Variants in LRP1 observed in about 807,000 individuals in gnomAD.
LRP1 encodes the protein LDL receptor related protein 1.
LRP1 carries 51 observed loss-of-function variants against 541.5 expected under a neutral mutation model. That is an observed-to-expected ratio of 0.09 (90% CI 0.08 to 0.12). The LOEUF (loss-of-function observed/expected upper bound fraction) is 0.12, where lower values mean the gene tolerates loss of function less well. Among genes scored for constraint, LRP1 ranks in the 10% least tolerant of loss-of-function variants. The pLI is 1.00. For synonymous variants in LRP1, 2,219 were observed against 2,470.8 expected (o/e 0.90, Z 3.02); for missense variants, 3,878 against 6,376.2 (o/e 0.61, Z 13.34).
Position 57,213,083 on chromosome 12 carries a change from C to T in LRP1, c.*528C>T, listed in dbSNP as rs768751608. 1.5e-4 allele frequency: 23 copies of T among 153,022 alleles called. No homozygotes were observed. The highest frequency in any genetic ancestry group is 3.1e-4 in the Non-Finnish European group (21 of 68,762). The allele number at this position is 153,022 out of a possible 1,614,324, so 9.5% of individuals were successfully genotyped here. A position where few individuals can be genotyped will look rare whatever the true frequency, so the allele number is the denominator to read the frequency against. Reference sequence around the variant, plus strand: ...AACCCCAGCCCCAACTCCAGGGGCACCTATGAGATGGCCATGCTCAACCCC... The same window carrying T: ...AACCCCAGCCCCAACTCCAGGGGCATCTATGAGATGGCCATGCTCAACCCC... On this transcript the variant is annotated 3_prime_UTR_variant, in exon 89 of 89. Coordinates refer to ENST00000243077, the MANE Select transcript of LRP1 (RefSeq NM_002332.3).
At chr12:57,164,807 G>A (rs2035806604) in intron 15 of LRP1, 1 of 152,226 alleles carries the variant, frequency 6.6e-6, no homozygotes. Flanking sequence ...CAGCCATAGT[G>A]TACACCTAGG....
intron 6 of LRP1, chr12:57,149,706 A>T: frequency 1.4e-6 from 1 of 736,216 alleles, no homozygotes. Flanking sequence ...AGCCCAGGAG[A>T]ACGAGGTGAC....
At chr12:57,196,710 G>A (rs997576790) in intron 55 of LRP1, among the ~76,000 whole-genome samples, 1 of 152,262 alleles carries the variant, frequency 6.6e-6, no homozygotes, top group Non-Finnish European at 1.5e-5. Context: ...GGGACCAGCA[G>A]AAGAGCCTGA....
chr12:57,159,342 T>A (rs1045102356), intron 11 of LRP1, among the ~76,000 whole-genome samples: 1 of 152,150 alleles, frequency 6.6e-6, no homozygotes, highest in African/African-American at 2.4e-5. Context: ...AAGTAACTCA[T>A]CAGGAAAAGA....
intron 1 of LRP1, among the ~76,000 whole-genome samples, chr12:57,136,435 C>A (rs2035171761): frequency 7.5e-6 from 1 of 133,606 alleles, no homozygotes; most frequent in African/African-American, 2.8e-5. Context: ...TCTGTCTCTG[C>A]CCTGCATTTG....
chr12:57,184,573 C>A lies in LRP1; in HGVS notation c.6186+121C>A. The A allele has an allele frequency of 7.2e-7, 1 of 1,397,864 alleles. No homozygotes were observed. The highest frequency in any genetic ancestry group is 9.7e-7 in the Non-Finnish European group (1 of 1,032,524). 86.6% of individuals were successfully genotyped at this position (1,397,864 alleles called of 1,614,324 possible). A position where few individuals can be genotyped will look rare whatever the true frequency, so the allele number is the denominator to read the frequency against. ...AGGGGAAGTCACAGGGTCTCCCAGC[C>A]CAGCCCTCCACCCAGAGTAGGACTC... On this transcript the variant is annotated intron_variant, in intron 38 of 88. Transcript: ENST00000243077. The surrounding 1 kb of genome is among the most constrained non-coding windows in gnomAD (Gnocchi z 7.8).
At position 57,183,575 on chromosome 12, in the gene LRP1, C is replaced by A; in HGVS notation, c.5794+65C>A. The A allele has an allele frequency of 6.4e-7, 1 of 1,554,574 alleles. No homozygotes were observed. The highest frequency in any genetic ancestry group is 1.2e-5 in the South Asian group (1 of 84,346). ...GGAGCTTTAGGGGTGGTGTGGTGTG[C>A]CCTGAGGGTCCAGTGAGAGGCTGCC... On this transcript the variant is annotated intron_variant, in intron 35 of 88. Transcript: ENST00000243077. The surrounding 1 kb of genome is among the most constrained non-coding windows in gnomAD (Gnocchi z 6.1).
intron 22 of LRP1, among the ~76,000 whole-genome samples, chr12:57,174,279 C>T (rs1396212736): frequency 1.3e-5 from 2 of 152,196 alleles, no homozygotes; most frequent in Non-Finnish European, 2.9e-5. Context: ...AGTGGTCCCC[C>T]AGACTTGGGC....
In LRP1 at chr12:57,211,617, A is replaced by G. The variant is rs1026306756; in HGVS notation, c.13193+29A>G. 6.2e-7 allele frequency: 1 copy of G among 1,609,970 alleles called. No homozygotes were observed. Among genetic ancestry groups the G allele is most frequent in the Admixed American group, 1.7e-5 (1 of 59,980 alleles). Reference sequence around the variant, plus strand: ...AGTTGGGCCCGGGCTTCACCCAGGCATAGATCATCGCTCCCTTCCCCAGAT... The same window carrying G: ...AGTTGGGCCCGGGCTTCACCCAGGCGTAGATCATCGCTCCCTTCCCCAGAT... On this transcript the variant is annotated intron_variant, in intron 85 of 88. Transcript: ENST00000243077. The surrounding 1 kb of genome is among the most constrained non-coding windows in gnomAD (Gnocchi z 4.3).
Position 57,197,903 on chromosome 12 carries a change from T to C in LRP1, c.9282+239T>C, listed in dbSNP as rs925912632. On this transcript the variant is annotated intron_variant, in intron 58 of 88. Transcript: ENST00000243077. The surrounding 1 kb of genome is among the most constrained non-coding windows in gnomAD (Gnocchi z 4.5). ...TCTCCTTAATCATCAGGAAGTTCCC[T>C]GTGAGGTCTGGCCAAGCACTGTGAG... Among the ~76,000 whole-genome samples the C allele has an allele frequency of 4.6e-5, 7 of 152,192 alleles. No individual in the cohort carries two copies. Among genetic ancestry groups the C allele is most frequent in the Non-Finnish European group, 1.0e-4 (7 of 68,026 alleles).
At position 57,205,072 on chromosome 12, in the gene LRP1, G is replaced by A; in HGVS notation, c.11195-37G>A. On this transcript the variant is annotated intron_variant, in intron 72 of 88. Coordinates refer to ENST00000243077, the MANE Select transcript of LRP1 (RefSeq NM_002332.3). This position sits in a 1 kb window ranked among gnomAD's most constrained non-coding sequence, Gnocchi z 4.6. ...GTTGCCGTGGGAGGAGGAGGCAGGGGAGAATACCCAGGGCCTAAAGCCTCT... is the reference window on the plus strand; with the variant it reads ...GTTGCCGTGGGAGGAGGAGGCAGGGAAGAATACCCAGGGCCTAAAGCCTCT... The A allele has an allele frequency of 6.3e-7, 1 of 1,587,462 alleles. No homozygotes were observed. The highest frequency in any genetic ancestry group is 8.6e-7 in the Non-Finnish European group (1 of 1,163,704).
rs746844976 is a variant in LRP1 at position 57,141,524 on chromosome 12, C to T, written c.328+13C>T. On this transcript the variant is annotated intron_variant, in intron 3 of 88. Transcript: ENST00000243077. ...CCCCACTGCCGAGGTAAGGACTTTT[C>T]CACTCTCTACTCTCCCGTCTGGATG... The T allele has an allele frequency of 4.5e-5, 72 of 1,614,018 alleles. No homozygotes were observed. The Admixed American group carries it at 7.0e-4, about 16-fold the overall frequency.
At chr12:57,194,287 G>A in intron 48 of LRP1, 67 bp from the exon 49 acceptor site, 6 of 1,486,462 alleles carry the variant, frequency 4.0e-6, no homozygotes, top group Non-Finnish European at 5.4e-6. Context: ...CCATAGGGCT[G>A]GCAGCTGCCC....
intron 11 of LRP1, among the ~76,000 whole-genome samples, chr12:57,159,351 G>A (rs2035683365): frequency 6.6e-6 from 1 of 152,208 alleles, no homozygotes; most frequent in South Asian, 2.1e-4. Context: ...ATCAGGAAAA[G>A]ATTAGGGGTC....
chr12:57,168,012 C>A (rs975213769), intron 19 of LRP1, among the ~76,000 whole-genome samples: 6 of 152,166 alleles, frequency 3.9e-5, no homozygotes, highest in Admixed American at 6.5e-5. Flanking sequence ...AGGTGACTGC[C>A]GTGTGTGGTG....
rs750160583 is a variant in LRP1 at position 57,156,891 on chromosome 12, G to A, written c.1532G>A (p.Ser511Asn). ...ACCTGCCGCTGCCGTTCCGGCTTCA[G>A]CCTGGGCAGTGACGGGAAGTCATGC... Reference protein sequence around the residue: ...ARTCRCRSGFSLGSDGKSCKK... With the variant: ...ARTCRCRSGFNLGSDGKSCKK... Residue 511 changes from serine (S) to asparagine (N), a missense_variant, in exon 10 of 89, where the codon AGC becomes AAC. Transcript: ENST00000243077. The surrounding 1 kb of genome is among the most constrained non-coding windows in gnomAD (Gnocchi z 5.2). 21 of 1,591,126 alleles carry A rather than the reference G, an allele frequency of 1.3e-5. No individual in the cohort carries two copies. Among genetic ancestry groups the A allele is most frequent in the Non-Finnish European group, 1.8e-5 (21 of 1,169,114 alleles).
chr12:57,203,463 C>T lies in LRP1; in HGVS notation c.10893C>T (p.Arg3631=). ...KSGHCIPLRW[R]CDADADCMDG... ...GCCACTGCATCCCCCTGCGCTGGCG[C>T]TGTGACGCAGACGCCGACTGCATGG... The change falls in exon 70 of 89, where the codon CGC becomes CGT. Residue 3631 remains arginine (R), a synonymous_variant. Coordinates refer to ENST00000243077, the MANE Select transcript of LRP1 (RefSeq NM_002332.3). 1.3e-6 allele frequency: 2 copies of T among 1,596,044 alleles called. No individual in the cohort carries two copies. The highest frequency in any genetic ancestry group is 8.5e-7 in the Non-Finnish European group (1 of 1,171,008).
chr12:57,208,278 TG>T, intron 77 of LRP1, 62 bp downstream of exon 77: 1 of 1,540,158 alleles, frequency 6.5e-7, no homozygotes, highest in South Asian at 1.2e-5. Context: ...GGGACAGGGT[TG>T]GGGGCTGCAC....
At chr12:57,163,440 G>A (rs1335262361) in intron 15 of LRP1, among the ~76,000 whole-genome samples, 2 of 151,968 alleles carry the variant, frequency 1.3e-5, no homozygotes, top group African/African-American at 2.4e-5. Context: ...TTAGCCAAGC[G>A]TGGTGGCAGG....
Sources: gnomAD v4.1 joint callset for allele counts (sites outside exome capture counted in the v4.1 genomes callset) on GRCh38, gnomAD v4.1.1 for gene constraint, Gnocchi (gnomAD v3.1) non-coding constraint, MANE v1.5 for transcripts, NCBI Gene and HGNC (gene_info 2026-07-23, HGNC 2026-07-21) for gene names.